The following TGIF1 variants were observed in gnomAD, a reference collection of about 807,000 sequenced individuals.
TGIF1 encodes TGFB induced factor homeobox 1, also known as homeobox protein TGIF1.
Under a neutral mutation model 19.3 loss-of-function variants are expected in TGIF1, and 4 were observed. That is an observed-to-expected ratio of 0.21 (90% confidence interval 0.10 to 0.47). The LOEUF is 0.47. Among genes scored for constraint, TGIF1 ranks in the 20% least tolerant of loss-of-function variants. The pLI is 0.98. For missense variants in TGIF1, 275 were observed against 341.4 expected, an observed-to-expected ratio of 0.81 and a Z score of 1.53; for synonymous variants, 122 against 129.3, an observed-to-expected ratio of 0.94 and a Z score of 0.38.
intron 1 of TGIF1, among the ~76,000 whole-genome samples, chr18:3,416,073 A>C (rs368405909): frequency 9.2e-5 from 14 of 152,322 alleles, no homozygotes; most frequent in East Asian, 7.7e-4. Flanking sequence ...AGAGTTGCAA[A>C]CTGGAATGTA....
chr18:3,447,602 T>G, upstream of TGIF1: 1 of 973,120 alleles, frequency 1.0e-6, no homozygotes, highest in Non-Finnish European at 1.6e-6. Flanking sequence ...CCAAACAAGT[T>G]TGAGATCAGC....
In TGIF1 at chr18:3,456,643, TC is replaced by T; in HGVS notation, c.243+65del. 6.9e-7 allele frequency: 1 copy of T among 1,443,888 alleles called. No individual in the cohort carries two copies. The allele number at this position is 1,443,888 out of a possible 1,614,324, so 89.4% of individuals were successfully genotyped here. A position where few individuals can be genotyped will look rare whatever the true frequency, so the allele number is the denominator to read the frequency against. On this transcript the variant is annotated intron_variant, in intron 2 of 2. Transcript: ENST00000343820. The surrounding 1 kb of genome is among the most constrained non-coding windows in gnomAD (Gnocchi z 4.2). ...TAGTTTCAAAGTCATTTTATGGCAT[TC>T]CTGTGTGTCAAGTCATTAAGCTCCT... is the stretch of plus-strand genomic sequence containing the variant.
chr18:3,452,743 A>T (rs1214907191), intron 1 of TGIF1, among the ~76,000 whole-genome samples: 4 of 152,188 alleles, frequency 2.6e-5, no homozygotes, highest in African/African-American at 9.7e-5. Context: ...GGCTCTGGAA[A>T]GACTCCTGAG....
intron 1 of TGIF1, chr18:3,452,448 G>C: frequency 8.1e-6 from 13 of 1,605,850 alleles, no homozygotes; most frequent in Non-Finnish European, 1.1e-5. Context: ...AGGCTGCCGA[G>C]GTTACCCGGG....
At position 3,457,609 on chromosome 18, in the gene TGIF1, C is replaced by G. The variant is rs2229333; in HGVS notation, c.488C>G (p.Pro163Arg). 22 of 1,614,186 alleles carry G rather than the reference C, an allele frequency of 1.4e-5. 1 individual carries two copies. In the African/African-American group the frequency reaches 1.5e-4, roughly 11 times the overall value. The part of the protein sequence containing the change: ...GRPLSPKPSS[P>R]GSVLARPSVI... ...CCACTGTCTCCTAAGCCGTCATCCC[C>G]GGGATCAGTTTTGGCTCGTCCATCA... Residue 163 changes from proline to arginine, a missense_variant, in exon 3 of 3, where the codon CCG becomes CGG. Transcript: ENST00000343820. This position sits in a 1 kb window ranked among gnomAD's most constrained non-coding sequence, Gnocchi z 4.9.
chr18:3,428,768 G>A (rs929529786), intron 2 of TGIF1, among the ~76,000 whole-genome samples: 1 of 151,688 alleles, frequency 6.6e-6, no homozygotes, highest in African/African-American at 2.4e-5. Context: ...TAGGTCAGGC[G>A]CAGTGGCTCA....
At chr18:3,448,638 T>A (rs1598889002), upstream of TGIF1, 1 of 985,032 alleles carries the variant, frequency 1.0e-6, no homozygotes, top group African/African-American at 1.8e-5. Context: ...TCCCTGTTGA[T>A]TCATTTTAGT....
chr18:3,448,630 C>T (rs2082797207), upstream of TGIF1: 1 of 984,952 alleles, frequency 1.0e-6, no homozygotes. Flanking sequence ...GCTTTTTTTC[C>T]CTGTTGATTC....
intron 2 of TGIF1, among the ~76,000 whole-genome samples, chr18:3,432,147 C>G: frequency 8.1e-6 from 1 of 124,054 alleles, no homozygotes; most frequent in East Asian, 2.8e-4. Context: ...AAAAAAAACA[C>G]TAAGAAAGCT....
At chr18:3,449,300 C>G, upstream of TGIF1, 1 of 722,240 alleles carries the variant, frequency 1.4e-6, no homozygotes, top group Non-Finnish European at 1.7e-6. Context: ...ACGGCGTGGT[C>G]ACCCCTTAGC....
upstream of TGIF1, chr18:3,449,376 C>T: frequency 1.0e-6 from 1 of 985,448 alleles, no homozygotes; most frequent in Non-Finnish European, 1.2e-6. Context: ...GTGAGGCAGG[C>T]GCGCGCCCGG....
chr18:3,449,406 TTTAAA>T, upstream of TGIF1: 1 of 985,076 alleles, frequency 1.0e-6, no homozygotes, highest in African/African-American at 1.7e-5. Context: ...GGCAGAGACG[TTTAAA>T]GAGCATGTGA....
At chr18:3,417,736 T>C (rs542743155) in intron 1 of TGIF1, among the ~76,000 whole-genome samples, 115 of 152,330 alleles carry the variant, frequency 7.5e-4, no homozygotes, top group African/African-American at 2.7e-3. Flanking sequence ...AAATATGTTA[T>C]ATTTCTTCTT....
intron 2 of TGIF1, among the ~76,000 whole-genome samples, chr18:3,443,874 A>G (rs2082705650): frequency 6.8e-6 from 1 of 146,082 alleles, no homozygotes; most frequent in African/African-American, 2.5e-5. Flanking sequence ...AAATAAAATA[A>G]AAGAAGGAAA....
chr18:3,414,097 C>A (rs2082302218), intron 1 of TGIF1, among the ~76,000 whole-genome samples: 1 of 152,190 alleles, frequency 6.6e-6, no homozygotes, highest in African/African-American at 2.4e-5. Flanking sequence ...GATACACAAT[C>A]GTATCATTTA....
At chr18:3,454,019 C>CT in intron 1 of TGIF1, among the ~76,000 whole-genome samples, 1 of 152,282 alleles carries the variant, frequency 6.6e-6, no homozygotes, top group African/African-American at 2.4e-5. Context: ...CAGCAGCAAA[C>CT]GTGGTTTTAC....
rs56864804 is a variant in TGIF1, at chr18:3,438,596, AACACAC to A, written c.-44-17731_-44-17726del. Among the ~76,000 whole-genome samples, 18 of 136,094 alleles carry A rather than the reference AACACAC, an allele frequency of 1.3e-4. No individual in the cohort carries two copies. In the South Asian group the frequency reaches 2.7e-3, roughly 20 times the overall value. 89.3% of individuals were successfully genotyped at this position (136,094 alleles called of 152,430 possible). On this transcript the variant is annotated intron_variant, in intron 2 of 3. Coordinates refer to the TGIF1 transcript ENST00000401449. Reference sequence around the variant, plus strand: ...CCATTCCCATCATTTCATACACACAAACACACACACACACACACACACACACACACA... The same window carrying A: ...CCATTCCCATCATTTCATACACACAAACACACACACACACACACACACACA...
chr18:3,448,389 C>T (rs1473638152), upstream of TGIF1: 3 of 1,008,168 alleles, frequency 3.0e-6, no homozygotes, highest in Non-Finnish European at 3.6e-6. Flanking sequence ...GGCGCTGGCC[C>T]CCTCCCTGCG....
At chr18:3,417,362 G>A (rs1216746300) in intron 1 of TGIF1, among the ~76,000 whole-genome samples, 2 of 151,748 alleles carry the variant, frequency 1.3e-5, no homozygotes, top group Non-Finnish European at 2.9e-5. Flanking sequence ...GTTTCACCAT[G>A]TTGGGCAGGC....
Sources: gnomAD v4.1 joint callset for allele counts (sites outside exome capture counted in the v4.1 genomes callset) on GRCh38, gnomAD v4.1.1 for gene constraint, Gnocchi (gnomAD v3.1) non-coding constraint, MANE v1.5 for transcripts, NCBI Gene and HGNC (gene_info 2026-07-23, HGNC 2026-07-21) for gene names.